CARM1: variants seen among roughly 807,000 people sequenced by gnomAD.
The protein encoded by CARM1 is coactivator associated arginine methyltransferase 1.
In CARM1, 14 loss-of-function variants were observed where a neutral mutation model predicts 72.7. The ratio of observed to expected loss-of-function variants is 0.19; its 90% CI spans 0.13 to 0.30. CARM1 has a LOEUF of 0.30. CARM1 is among the 10% of genes least tolerant of loss of function. The pLI, the probability that CARM1 is intolerant of heterozygous loss-of-function variation, is 1.00. For synonymous variants in CARM1, 333 were observed against 345.5 expected, an observed-to-expected ratio of 0.96 and a Z score of 0.40; for missense variants, 432 against 833.7, an observed-to-expected ratio of 0.52 and a Z score of 5.93.
At chr19:10,906,495 C>T (rs2074105124) in intron 2 of CARM1, among the ~76,000 whole-genome samples, 1 of 152,218 alleles carries the variant, frequency 6.6e-6, no homozygotes, top group Non-Finnish European at 1.5e-5. Context: ...CGCTCTGTCA[C>T]CCAGGCTGGA....
intron 1 of CARM1, among the ~76,000 whole-genome samples, chr19:10,873,311 A>C (rs1029907439): frequency 6.6e-6 from 1 of 152,084 alleles, no homozygotes; most frequent in Non-Finnish European, 1.5e-5. Flanking sequence ...ACCTTTAAAA[A>C]ATTTTTTTAG....
chr19:10,880,682 G>A (rs1047320776), intron 1 of CARM1, among the ~76,000 whole-genome samples: 4 of 152,206 alleles, frequency 2.6e-5, no homozygotes, highest in Non-Finnish European at 5.9e-5. Context: ...AATCTGGTCT[G>A]TGGATGGCCC....
chr19:10,875,197 A>G (rs531320968), intron 1 of CARM1, among the ~76,000 whole-genome samples: 32 of 152,296 alleles, frequency 2.1e-4, no homozygotes, highest in Admixed American at 2.1e-3. Flanking sequence ...CAGGGCCACA[A>G]TCCCTGGAGA....
chr19:10,880,141 T>C (rs938610422), intron 1 of CARM1, among the ~76,000 whole-genome samples: 1 of 152,116 alleles, frequency 6.6e-6, no homozygotes, highest in East Asian at 1.9e-4. Context: ...CTGTGGCAGG[T>C]GTGTCTCCTT....
At chr19:10,873,065 G>A (rs1279317789) in intron 1 of CARM1, among the ~76,000 whole-genome samples, 1 of 152,060 alleles carries the variant, frequency 6.6e-6, no homozygotes, top group East Asian at 1.9e-4. Flanking sequence ...GCAGAGCCTG[G>A]GTCTTCTTGG....
chr19:10,877,078 C>T (rs551091062), intron 1 of CARM1, among the ~76,000 whole-genome samples: 5 of 152,192 alleles, frequency 3.3e-5, no homozygotes, highest in East Asian at 1.9e-4. Context: ...CTGCTGTCAC[C>T]GAACCAGGGG....
At chr19:10,899,950 G>T (rs1432933342) in intron 1 of CARM1, among the ~76,000 whole-genome samples, 2 of 151,932 alleles carry the variant, frequency 1.3e-5, no homozygotes, top group African/African-American at 4.8e-5. Flanking sequence ...CAAACTCCTG[G>T]GTTCAAGTGA....
intron 1 of CARM1, among the ~76,000 whole-genome samples, chr19:10,876,973 G>T (rs1447243124): frequency 1.3e-5 from 2 of 152,250 alleles, no homozygotes; most frequent in Non-Finnish European, 2.9e-5. Flanking sequence ...AGCAGCATGG[G>T]CTCCGTCAGG....
At chr19:10,899,892 T>C (rs1465299172) in intron 1 of CARM1, among the ~76,000 whole-genome samples, 1 of 152,104 alleles carries the variant, frequency 6.6e-6, no homozygotes, top group African/African-American at 2.4e-5. Flanking sequence ...TGCTAATTTT[T>C]GTATTTTTAG....
chr19:10,879,904 C>T (rs1442980283), intron 1 of CARM1, among the ~76,000 whole-genome samples: 5 of 152,168 alleles, frequency 3.3e-5, no homozygotes, highest in Admixed American at 6.5e-5. Context: ...CATGAGTCAC[C>T]GCACCCAGCC....
At chr19:10,893,162 C>G (rs1358586587) in intron 1 of CARM1, among the ~76,000 whole-genome samples, 1 of 150,012 alleles carries the variant, frequency 6.7e-6, no homozygotes, top group Non-Finnish European at 1.5e-5. Context: ...CTTAGCCTCC[C>G]GAGTTGCTGG....
Position 10,921,851 on chromosome 19 carries a change from C to A in CARM1, c.*94C>A. 2 of 1,227,322 alleles carry A rather than the reference C, an allele frequency of 1.6e-6. No homozygotes were observed. The highest frequency in any genetic ancestry group is 2.3e-6 in the Non-Finnish European group (2 of 881,202). 76.0% of individuals were successfully genotyped at this position (1,227,322 alleles called of 1,614,324 possible). On this transcript the variant is annotated 3_prime_UTR_variant, in exon 16 of 16. Transcript: ENST00000327064. ...GGCTTTCCCCCTTGTACTGGAGAAGCTCGAACACCCGGTCACAGCTCTCTT... is the reference window on the plus strand; with the variant it reads ...GGCTTTCCCCCTTGTACTGGAGAAGATCGAACACCCGGTCACAGCTCTCTT...
intron 1 of CARM1, among the ~76,000 whole-genome samples, chr19:10,876,698 G>C (rs1057040886): frequency 1.3e-5 from 2 of 152,252 alleles, no homozygotes; most frequent in South Asian, 2.1e-4. Flanking sequence ...CTGTGCAGAG[G>C]GGGAGGCCCT....
chr19:10,882,619 G>A (rs36045835), intron 1 of CARM1, among the ~76,000 whole-genome samples: 31,845 of 141,200 alleles, frequency 0.23, 3,636 homozygotes, highest in Middle Eastern at 0.34. Context: ...TCTGCTCATT[G>A]CAACCTCCGC....
chr19:10,894,635 C>T (rs1244813819), intron 1 of CARM1, among the ~76,000 whole-genome samples: 2 of 152,004 alleles, frequency 1.3e-5, no homozygotes, highest in East Asian at 3.8e-4. Context: ...GTTGTGTTCC[C>T]CCTGGAGATG....
intron 1 of CARM1, among the ~76,000 whole-genome samples, chr19:10,879,713 A>G (rs2073887926): frequency 6.6e-6 from 1 of 152,158 alleles, no homozygotes; most frequent in Non-Finnish European, 1.5e-5. Flanking sequence ...TCCCAGGTTC[A>G]AGTCATTCTC....
intron 1 of CARM1, among the ~76,000 whole-genome samples, chr19:10,877,970 T>C (rs2073875989): frequency 6.6e-6 from 1 of 152,118 alleles, no homozygotes; most frequent in Admixed American, 6.6e-5. Context: ...TCCTCCCAAG[T>C]AGCTGGGACT....
chr19:10,912,384 G>C lies in CARM1; in HGVS notation c.669+90G>C. The C allele has an allele frequency of 2.2e-6, 2 of 910,998 alleles. No homozygotes were observed. The highest frequency in any genetic ancestry group is 3.6e-6 in the Non-Finnish European group (2 of 554,678). 56.4% of individuals were successfully genotyped at this position (910,998 alleles called of 1,614,324 possible). A position where few individuals can be genotyped will look rare whatever the true frequency, so the allele number is the denominator to read the frequency against. On this transcript the variant is annotated intron_variant, in intron 5 of 15. Coordinates refer to ENST00000327064, the MANE Select transcript of CARM1 (RefSeq NM_199141.2). This position sits in a 1 kb window ranked among gnomAD's most constrained non-coding sequence, Gnocchi z 4.5. ...CTAGAGAAGCTTGGGAACCCCCAGGGGCCTGGGGACATTACTTCTGTGCTT... is the reference window on the plus strand; with the variant it reads ...CTAGAGAAGCTTGGGAACCCCCAGGCGCCTGGGGACATTACTTCTGTGCTT...
intron 1 of CARM1, among the ~76,000 whole-genome samples, chr19:10,893,641 G>A (rs984470306): frequency 2.0e-5 from 3 of 152,228 alleles, no homozygotes; most frequent in African/African-American, 4.8e-5. Context: ...CCCTGTCATT[G>A]TGCCCATTTT....
Sources: gnomAD v4.1 joint callset for allele counts (sites outside exome capture counted in the v4.1 genomes callset) on GRCh38, gnomAD v4.1.1 for gene constraint, Gnocchi (gnomAD v3.1) non-coding constraint, MANE v1.5 for transcripts, NCBI Gene and HGNC (gene_info 2026-07-23, HGNC 2026-07-21) for gene names.